The following SHISA7 variants were observed in gnomAD, a reference collection of about 807,000 sequenced individuals.
The protein encoded by SHISA7 is protein shisa-7.
SHISA7 carries 6 observed loss-of-function variants against 23.9 expected under a neutral mutation model. The observed-to-expected ratio is 0.25, with a 90% CI of 0.14 to 0.50. The LOEUF is 0.50. Ranked by LOEUF, SHISA7 falls within the 20% of genes least tolerant of loss-of-function variation. The probability of loss-of-function intolerance (pLI) is 0.98; values close to 1 mark genes in which losing one functional copy is unlikely to be tolerated. For missense variants in SHISA7, 671 were observed against 801.1 expected, an observed-to-expected ratio of 0.84 and a Z score of 1.96; for synonymous variants, 386 against 398.3, an observed-to-expected ratio of 0.97 and a Z score of 0.37.
At chr19:55,440,089 C>A (rs1361630991) in intron 2 of SHISA7, among the ~76,000 whole-genome samples, 3 of 151,848 alleles carry the variant, frequency 2.0e-5, no homozygotes, top group Non-Finnish European at 4.4e-5. Context: ...TTCTGTGTTA[C>A]ACATTATTCT....
Position 55,442,660 on chromosome 19 carries a change from C to T in SHISA7, c.204G>A (p.Gly68=). ...ANGTRTGPAG[G]AGAAARAPPP... ...GGGGCGCCCGGGCCGCCGCGCCCGCCCCGCCCGCGGGGCCGGTCCTGGTGC... is the reference window on the plus strand; with the variant it reads ...GGGGCGCCCGGGCCGCCGCGCCCGCTCCGCCCGCGGGGCCGGTCCTGGTGC... The change falls in exon 1 of 4, where the codon GGG becomes GGA. Residue 68 remains glycine, a synonymous_variant. Transcript: ENST00000376325. 7.8e-7 allele frequency: 1 copy of T among 1,278,034 alleles called. No homozygotes were observed. The highest frequency in any genetic ancestry group is 1.0e-6 in the Non-Finnish European group (1 of 1,001,456). 79.2% of individuals were successfully genotyped at this position (1,278,034 alleles called of 1,614,324 possible).
In SHISA7 at chr19:55,431,745, G is replaced by A. The variant is rs1238435554; in HGVS notation, c.*1411C>T. 6.6e-6 allele frequency: 1 copy of A among 152,184 alleles called. No homozygotes were observed. Among genetic ancestry groups the A allele is most frequent in the Non-Finnish European group, 1.5e-5 (1 of 68,056 alleles). The allele number at this position is 152,184 out of a possible 1,614,324, so 9.4% of individuals were successfully genotyped here. A position where few individuals can be genotyped will look rare whatever the true frequency, so the allele number is the denominator to read the frequency against. On this transcript the variant is annotated 3_prime_UTR_variant, in exon 4 of 4. Transcript: ENST00000376325. ...TTGTTGACAGAGGTGATTGTCTCTA[G>A]ATATGGCAGAAAGAAAAGTGAGGCC... is the stretch of plus-strand genomic sequence containing the variant.
At position 55,433,729 on chromosome 19, in the gene SHISA7, G is replaced by A; in HGVS notation, c.1044C>T (p.Pro348=). 2 of 1,470,208 alleles carry A rather than the reference G, an allele frequency of 1.4e-6. No individual in the cohort carries two copies. The highest frequency in any genetic ancestry group is 1.8e-6 in the Non-Finnish European group (2 of 1,119,236). 91.1% of individuals were successfully genotyped at this position (1,470,208 alleles called of 1,614,324 possible). ...TGCCCGGCCGCCGCAGCGCGTGCAGGGGCAGCGTGCCGCGGGGCAATTCCA... is the reference window on the plus strand; with the variant it reads ...TGCCCGGCCGCCGCAGCGCGTGCAGAGGCAGCGTGCCGCGGGGCAATTCCA... ...RPLELPRGTL[P]LHALRRPGTG... is the part of the protein sequence containing the mutation. The change falls in exon 4 of 4, where the codon CCC becomes CCT. Residue 348 remains proline (P), a synonymous_variant. Coordinates refer to ENST00000376325, the MANE Select transcript of SHISA7 (RefSeq NM_001145176.2). This position sits in a 1 kb window ranked among gnomAD's most constrained non-coding sequence, Gnocchi z 8.4.
Position 55,433,551 on chromosome 19 carries a change from C to T in SHISA7, c.1222G>A (p.Val408Met), listed in dbSNP as rs1399527020. ...YEFTLPRARL[V>M]SQEHLLLSSP... Reference sequence around the variant, plus strand: ...GACAGCAGCAGGTGCTCCTGCGACACCAGGCGCGCGCGCGGCAGCGTGAAC... The same window carrying T: ...GACAGCAGCAGGTGCTCCTGCGACATCAGGCGCGCGCGCGGCAGCGTGAAC... The change falls in exon 4 of 4, where the codon GTG becomes ATG. Residue 408 changes from valine (V) to methionine (M), a missense_variant. Around this residue, in one of 5 missense-constraint regions of SHISA7, gnomAD observed 457 missense variants for 488.3 expected, o/e 0.94. Transcript: ENST00000376325. This position sits in a 1 kb window ranked among gnomAD's most constrained non-coding sequence, Gnocchi z 8.4. The T allele has an allele frequency of 2.7e-6, 4 of 1,494,036 alleles. No individual in the cohort carries two copies. In the East Asian group the frequency reaches 8.6e-5, roughly 32 times the overall value. 92.5% of individuals were successfully genotyped at this position (1,494,036 alleles called of 1,614,324 possible).
chr19:55,434,523 TTGTGTG>T (rs1985325862), intron 3 of SHISA7, among the ~76,000 whole-genome samples: 2 of 99,770 alleles, frequency 2.0e-5, no homozygotes, highest in African/African-American at 4.0e-5. Context: ...GTGTGTGTGG[TTGTGTG>T]GTGTGTGTGT....
Position 55,437,503 on chromosome 19 carries a change from T to C in SHISA7, c.976+102A>G, listed in dbSNP as rs532764167. 115 of 1,369,482 alleles carry C rather than the reference T, an allele frequency of 8.4e-5. 1 individual carries two copies. The South Asian group carries it at 1.8e-3, about 21-fold the overall frequency. The allele number at this position is 1,369,482 out of a possible 1,614,324, so 84.8% of individuals were successfully genotyped here. A position where few individuals can be genotyped will look rare whatever the true frequency, so the allele number is the denominator to read the frequency against. ...TTGGAGTAAAACCTGGGAGAGAAGC[T>C]AAACCATTGGAAGGCTCTTGGGCCA... On this transcript the variant is annotated intron_variant, in intron 3 of 3. Coordinates refer to ENST00000376325, the MANE Select transcript of SHISA7 (RefSeq NM_001145176.2).
chr19:55,432,343 T>A lies in SHISA7; in HGVS notation c.*813A>T, dbSNP rs1372155731. On this transcript the variant is annotated 3_prime_UTR_variant, in exon 4 of 4. Coordinates refer to ENST00000376325, the MANE Select transcript of SHISA7 (RefSeq NM_001145176.2). The surrounding 1 kb of genome is among the most constrained non-coding windows in gnomAD (Gnocchi z 4.6). The stretch of plus-strand genomic sequence containing the variant: ...TCTGGGCGACATCACAGAAGGGACC[T>A]CCTCCTGGAGAGGTCCCAGAGTGGG... The A allele has an allele frequency of 6.6e-6, 1 of 152,486 alleles. No individual in the cohort carries two copies. Among genetic ancestry groups the A allele is most frequent in the Non-Finnish European group, 1.5e-5 (1 of 68,012 alleles). The allele number at this position is 152,486 out of a possible 1,614,324, so 9.4% of individuals were successfully genotyped here.
chr19:55,437,788 G>C (rs973805469), intron 2 of SHISA7, 34 bp from the exon 3 acceptor site: 2 of 1,535,928 alleles, frequency 1.3e-6, no homozygotes, highest in Admixed American at 4.0e-5. Context: ...GGGTCAGTCA[G>C]CTTCCTCCCT....
chr19:55,434,318 G>GTA (rs1985302757), intron 3 of SHISA7, among the ~76,000 whole-genome samples: 1 of 113,032 alleles, frequency 8.8e-6, no homozygotes. Flanking sequence ...TGTGGTGTGT[G>GTA]TGTGTGGTGT....
chr19:55,435,798 G>A (rs1985445913), intron 3 of SHISA7, among the ~76,000 whole-genome samples: 1 of 150,992 alleles, frequency 6.6e-6, no homozygotes, highest in Non-Finnish European at 1.5e-5. Context: ...CCAAAAAGTG[G>A]GGTGGAGGGA....
chr19:55,435,080 GGTGTGTGTGGTGTGTGTGTATGGT>G lies in SHISA7; in HGVS notation c.977-1308_977-1285del, dbSNP rs1568450896. Reference sequence around the variant, plus strand: ...TGTGTGTAGTGTGTATGGTGTGTGTGGTGTGTGTGGTGTGTGTGTATGGTGTGTGTGTGGTGTGTGTGGTGTGTG... The same window carrying G: ...TGTGTGTAGTGTGTATGGTGTGTGTGGTGTGTGTGGTGTGTGTGGTGTGTG... On this transcript the variant is annotated intron_variant, in intron 3 of 3. Coordinates refer to ENST00000376325, the MANE Select transcript of SHISA7 (RefSeq NM_001145176.2). Among the ~76,000 whole-genome samples the G allele has an allele frequency of 7.4e-5, 6 of 80,788 alleles. 1 individual carries two copies. The highest frequency in any genetic ancestry group is 1.5e-4 in the Admixed American group (1 of 6,826). 53.0% of individuals were successfully genotyped at this position (80,788 alleles called of 152,430 possible). A position where few individuals can be genotyped will look rare whatever the true frequency, so the allele number is the denominator to read the frequency against.
intron 1 of SHISA7, among the ~76,000 whole-genome samples, chr19:55,441,552 C>CT (rs1446329099): frequency 1.3e-5 from 2 of 152,254 alleles, no homozygotes; most frequent in Non-Finnish European, 2.9e-5. Flanking sequence ...GGTTCGCTCC[C>CT]TCCCTTCGGG....
At chr19:55,435,353 GGT>G (rs1481839924) in intron 3 of SHISA7, among the ~76,000 whole-genome samples, 14 of 121,720 alleles carry the variant, frequency 1.2e-4, no homozygotes, top group Admixed American at 2.6e-4. Context: ...TGGTGTGTAT[GGT>G]GTGTGTGTGG....
In SHISA7 at chr19:55,442,640, GC is replaced by G; in HGVS notation, c.223del (p.Ala75ArgfsTer69). On this transcript the variant is annotated frameshift_variant, in exon 1 of 4. Coordinates refer to ENST00000376325, the MANE Select transcript of SHISA7 (RefSeq NM_001145176.2). LOFTEE classifies it high-confidence loss of function. The part of the protein sequence containing the change: ...PAGGAGAAAR[A>X]PPPAELCHGY... The stretch of plus-strand genomic sequence containing the variant: ...GTGGCAGAGCTCGGCGGGAGGGGGC[GC>G]CCGGGCCGCCGCGCCCGCCCCGCCC... 7.4e-7 allele frequency: 1 copy of G among 1,345,782 alleles called. No homozygotes were observed. The allele number at this position is 1,345,782 out of a possible 1,614,324, so 83.4% of individuals were successfully genotyped here.
rs1188910805 is a variant in SHISA7, at chr19:55,433,918, A to G, written c.977-122T>C. The G allele has an allele frequency of 1.9e-5, 22 of 1,183,788 alleles. No individual in the cohort carries two copies. The highest frequency in any genetic ancestry group is 2.2e-5 in the Non-Finnish European group (20 of 920,362). The allele number at this position is 1,183,788 out of a possible 1,614,324, so 73.3% of individuals were successfully genotyped here. A position where few individuals can be genotyped will look rare whatever the true frequency, so the allele number is the denominator to read the frequency against. On this transcript the variant is annotated intron_variant, in intron 3 of 3. Transcript: ENST00000376325. This position sits in a 1 kb window ranked among gnomAD's most constrained non-coding sequence, Gnocchi z 8.4. Reference sequence around the variant, plus strand: ...TGCCCCCACAAGGATCCTGGGCATCAGGCTAGCTGTGAGGCCAAAATGCAG... The same window carrying G: ...TGCCCCCACAAGGATCCTGGGCATCGGGCTAGCTGTGAGGCCAAAATGCAG...
rs925156012 is a variant in SHISA7, at chr19:55,433,093, C to T, written c.*63G>A. 7 of 1,469,230 alleles carry T rather than the reference C, an allele frequency of 4.8e-6. No homozygotes were observed. The African/African-American group carries it at 7.3e-5, about 15-fold the overall frequency. 91.0% of individuals were successfully genotyped at this position (1,469,230 alleles called of 1,614,324 possible). On this transcript the variant is annotated 3_prime_UTR_variant, in exon 4 of 4. Coordinates refer to ENST00000376325, the MANE Select transcript of SHISA7 (RefSeq NM_001145176.2). The surrounding 1 kb of genome is among the most constrained non-coding windows in gnomAD (Gnocchi z 8.4). ...GCCCCTGGCATGTGTGCGCCTGTGT[C>T]GGGGGATCCAGGCTGGGACGGGGGG...
intron 3 of SHISA7, among the ~76,000 whole-genome samples, chr19:55,435,310 G>GGT (rs372126495): frequency 1.8e-4 from 23 of 126,218 alleles, no homozygotes; most frequent in African/African-American, 4.4e-4. Context: ...GTGTATATGT[G>GGT]GTGTGTGTGT....
In SHISA7 at chr19:55,442,685, C is replaced by T. The variant is rs772437772; in HGVS notation, c.179G>A (p.Gly60Asp). ...GGGAASPGAN[G>D]TRTGPAGGAG... ...CCCGCCCGCGGGGCCGGTCCTGGTG[C>T]CGTTGGCGCCTGGGCTCGCCGCGCC... Residue 60 changes from glycine to aspartate, a missense_variant, in exon 1 of 4, where the codon GGC (glycine) becomes GAC (aspartate). By Grantham distance (94) the Gly-to-Asp change is moderately conservative. This residue lies in a region of SHISA7 where 96 missense variants were observed against 113.1 expected (regional missense o/e 0.85). Transcript: ENST00000376325. 28 of 1,085,328 alleles carry T rather than the reference C, an allele frequency of 2.6e-5. No homozygotes were observed. The South Asian group carries it at 7.4e-4, about 29-fold the overall frequency. The allele number at this position is 1,085,328 out of a possible 1,614,324, so 67.2% of individuals were successfully genotyped here. A position where few individuals can be genotyped will look rare whatever the true frequency, so the allele number is the denominator to read the frequency against.
At chr19:55,434,282 GGTGTGTGGTGTATATGTGGTGT>G (rs1469025653) in intron 3 of SHISA7, among the ~76,000 whole-genome samples, 8 of 146,506 alleles carry the variant, frequency 5.5e-5, no homozygotes, top group African/African-American at 1.8e-4. Context: ...GTGTGTGGTG[GGTGTGTGGTGTATATGTGGTGT>G]GTGTGTGGTG....
Sources: gnomAD v4.1 joint callset for allele counts (sites outside exome capture counted in the v4.1 genomes callset) on GRCh38, gnomAD v4.1.1 for gene constraint, gnomAD v4.1.1 regional missense constraint, Gnocchi (gnomAD v3.1) non-coding constraint, MANE v1.5 for transcripts, NCBI Gene and HGNC (gene_info 2026-07-23, HGNC 2026-07-21) for gene names.